Variants in ABCD3 observed in about 807,000 individuals in gnomAD.
The protein encoded by ABCD3 is ATP-binding cassette sub-family D member 3.
ABCD3 carries 41 observed loss-of-function variants against 105.5 expected under a neutral mutation model. That is an observed-to-expected ratio of 0.39 (90% CI 0.30 to 0.50). The LOEUF (loss-of-function observed/expected upper bound fraction) is 0.50, where lower values mean the gene tolerates loss of function less well. ABCD3 is among the 20% of genes least tolerant of loss of function. The pLI is 0.84. For missense variants in ABCD3, 622 were observed against 806.3 expected (o/e 0.77, Z 2.77); for synonymous variants, 258 against 269.0 (o/e 0.96, Z 0.40).
the ABCD3 span, among the ~76,000 whole-genome samples, chr1:94,396,285 G>A: frequency 6.6e-6 from 1 of 152,166 alleles, no homozygotes; most frequent in Non-Finnish European, 1.5e-5. Context: ...TAGTGCTATT[G>A]TGAGAATAAA....
the ABCD3 span, among the ~76,000 whole-genome samples, chr1:94,392,660 G>T: frequency 6.6e-6 from 1 of 152,110 alleles, no homozygotes; most frequent in Non-Finnish European, 1.5e-5. Flanking sequence ...AATGATGCGG[G>T]TTCAATGGAA....
upstream of ABCD3, among the ~76,000 whole-genome samples, chr1:94,418,113 G>T (rs993703723): frequency 6.6e-6 from 1 of 152,206 alleles, no homozygotes; most frequent in African/African-American, 2.4e-5. Context: ...TGAAAGCCGG[G>T]GTGTGCGCGC....
At chr1:94,511,641 G>C (rs1384839044) in intron 21 of ABCD3, among the ~76,000 whole-genome samples, 1 of 152,144 alleles carries the variant, frequency 6.6e-6, no homozygotes, top group South Asian at 2.1e-4. Flanking sequence ...ATCAGATGTA[G>C]ATTTGGTCTT....
intron 1 of ABCD3, among the ~76,000 whole-genome samples, chr1:94,443,643 T>C (rs1393996745): frequency 1.3e-5 from 2 of 152,206 alleles, no homozygotes; most frequent in Non-Finnish European, 2.9e-5. Context: ...CATTAATCCA[T>C]CTTGAGTTAA....
chr1:94,511,479 C>T (rs1258599496), intron 21 of ABCD3, among the ~76,000 whole-genome samples: 3 of 152,022 alleles, frequency 2.0e-5, no homozygotes, highest in Non-Finnish European at 4.4e-5. Flanking sequence ...CTTGGAGTTG[C>T]TCTTCTCGAG....
rs1371426838 is a variant in ABCD3 at position 94,478,371 on chromosome 1, A to G, written c.684+56A>G. On this transcript the variant is annotated intron_variant, in intron 8 of 22. Transcript: ENST00000370214. The stretch of plus-strand genomic sequence containing the variant: ...TGATATAATATAATATTTGAAATAC[A>G]TATTGTGAATAGCTTGATGGCCTGT... The G allele has an allele frequency of 5.2e-6, 7 of 1,351,906 alleles. No individual in the cohort carries two copies. In the East Asian group the frequency reaches 7.4e-5, roughly 14 times the overall value. The allele number at this position is 1,351,906 out of a possible 1,614,324, so 83.7% of individuals were successfully genotyped here.
intron 8 of ABCD3, among the ~76,000 whole-genome samples, chr1:94,479,232 C>T (rs1648916121): frequency 6.6e-6 from 1 of 152,000 alleles, no homozygotes. Flanking sequence ...TTACTATAAC[C>T]AAGTGAATAG....
In ABCD3 at chr1:94,518,046, A is replaced by G. The variant is rs1046820004; in HGVS notation, c.*917A>G. 5 of 151,928 alleles carry G rather than the reference A, an allele frequency of 3.3e-5. No individual in the cohort carries two copies. Among genetic ancestry groups the G allele is most frequent in the African/African-American group, 1.2e-4 (5 of 41,424 alleles). The allele number at this position is 151,928 out of a possible 1,614,324, so 9.4% of individuals were successfully genotyped here. A position where few individuals can be genotyped will look rare whatever the true frequency, so the allele number is the denominator to read the frequency against. On this transcript the variant is annotated 3_prime_UTR_variant, in exon 23 of 23. Transcript: ENST00000370214. ...AATAATGCACTGAGTATGCAATGCT[A>G]TCACTGTCTTTGACTGTGATTTTAT...
chr1:94,450,086 T>C lies in ABCD3; in HGVS notation c.111-8521T>C, dbSNP rs554641696. On this transcript the variant is annotated intron_variant, in intron 1 of 22. Coordinates refer to ENST00000370214, the MANE Select transcript of ABCD3 (RefSeq NM_002858.4). Reference sequence around the variant, plus strand: ...CTGACCTTAATGCCAGGAACTGGAGTGCTTGAAGGAGCTGCAGACAGATTA... The same window carrying C: ...CTGACCTTAATGCCAGGAACTGGAGCGCTTGAAGGAGCTGCAGACAGATTA... Among the ~76,000 whole-genome samples the C allele has an allele frequency of 2.6e-5, 4 of 152,236 alleles. No individual in the cohort carries two copies. In the South Asian group the frequency reaches 8.3e-4, roughly 32 times the overall value.
intron 13 of ABCD3, 111 bp downstream of exon 13, chr1:94,488,094 G>A: frequency 1.1e-6 from 1 of 928,224 alleles, no homozygotes; most frequent in South Asian, 1.6e-5. Flanking sequence ...CCTAGCCCAG[G>A]AAGGTGGTTT....
chr1:94,404,055 A>C, the ABCD3 span, among the ~76,000 whole-genome samples: 4 of 152,306 alleles, frequency 2.6e-5, no homozygotes, highest in East Asian at 7.7e-4. Flanking sequence ...ACACATACAC[A>C]TACCACATAC....
At chr1:94,430,619 C>T (rs1287689894) in intron 1 of ABCD3, among the ~76,000 whole-genome samples, 1 of 152,160 alleles carries the variant, frequency 6.6e-6, no homozygotes, top group East Asian at 1.9e-4. Context: ...CCTTGCCTTG[C>T]ACCATGATTG....
chr1:94,482,110 G>A (rs1649056825), intron 9 of ABCD3: 1 of 152,188 alleles, frequency 6.6e-6, no homozygotes, highest in South Asian at 2.1e-4. Flanking sequence ...GGTGTGGAGA[G>A]GAGATAGAAG....
chr1:94,390,980 C>A, the ABCD3 span, among the ~76,000 whole-genome samples: 1 of 152,200 alleles, frequency 6.6e-6, no homozygotes, highest in Non-Finnish European at 1.5e-5. Context: ...CCACGTTCCT[C>A]ATATACAACA....
the ABCD3 span, among the ~76,000 whole-genome samples, chr1:94,402,387 A>G: frequency 6.6e-6 from 1 of 152,232 alleles, no homozygotes; most frequent in Non-Finnish European, 1.5e-5. Context: ...AGATTTGCCA[A>G]TTATAAATAT....
At chr1:94,511,813 T>G (rs1477875740) in intron 21 of ABCD3, among the ~76,000 whole-genome samples, 1 of 152,118 alleles carries the variant, frequency 6.6e-6, no homozygotes, top group Non-Finnish European at 1.5e-5. Flanking sequence ...ATTCTTCACA[T>G]AGTTCTTGAG....
Position 94,458,628 on chromosome 1 carries a change from A to G in ABCD3, c.132A>G (p.Pro44=). 2.5e-6 allele frequency: 4 copies of G among 1,612,790 alleles called. No individual in the cohort carries two copies. The highest frequency in any genetic ancestry group is 2.2e-5 in the South Asian group (2 of 90,936). ...GLHGKKSGKP[P]LQNNEKEGKK... is the part of the protein sequence containing the mutation. ...GCAGTAAGAAAAGTGGAAAACCACCATTACAGAACAATGAGGTAAAAGTTT... is the reference window on the plus strand; with the variant it reads ...GCAGTAAGAAAAGTGGAAAACCACCGTTACAGAACAATGAGGTAAAAGTTT... Residue 44 remains proline (P), a synonymous_variant, in exon 2 of 23, where the codon CCA becomes CCG. Coordinates refer to ENST00000370214, the MANE Select transcript of ABCD3 (RefSeq NM_002858.4).
chr1:94,388,615 T>C, the ABCD3 span, among the ~76,000 whole-genome samples: 1 of 152,308 alleles, frequency 6.6e-6, no homozygotes, highest in South Asian at 2.1e-4. Flanking sequence ...GTGGCCGAGG[T>C]GATAAAGTTA....
At chr1:94,401,560 A>C in the ABCD3 span, among the ~76,000 whole-genome samples, 1 of 152,208 alleles carries the variant, frequency 6.6e-6, no homozygotes. Context: ...ATTTGAGATA[A>C]ATTATTTTCC....
Sources: allele counts gnomAD v4.1 joint callset (sites outside exome capture counted in the v4.1 genomes callset), GRCh38; gene constraint gnomAD v4.1.1; transcripts MANE v1.5; gene names NCBI Gene and HGNC (gene_info 2026-07-23, HGNC 2026-07-21).